TPRG1: variants seen among roughly 807,000 people sequenced by gnomAD.
TPRG1 encodes the protein tumor protein p63 regulated 1, also known as tumor protein p63-regulated gene 1 protein.
A neutral mutation model predicts 29.3 loss-of-function variants in TPRG1; 29 were observed. The observed-to-expected ratio is 0.99, with a 90% CI of 0.74 to 1.35. The LOEUF (loss-of-function observed/expected upper bound fraction) is 1.35, where lower values mean the gene tolerates loss of function less well. Ranked by LOEUF, TPRG1 falls within the 40% of genes most tolerant of loss-of-function variation. The probability of loss-of-function intolerance (pLI) is 0.00; values close to 1 mark genes in which losing one functional copy is unlikely to be tolerated. For synonymous variants in TPRG1, 130 were observed against 116.8 expected (o/e 1.11, Z -0.73); for missense variants, 327 against 335.0 (o/e 0.98, Z 0.19).
chr3:189,140,433 T>TC (rs1329739163), intron 3 of TPRG1, among the ~76,000 whole-genome samples: 1 of 152,116 alleles, frequency 6.6e-6, no homozygotes, highest in African/African-American at 2.4e-5. Flanking sequence ...GGGGATTAAA[T>TC]CCCTACACAC....
chr3:189,269,189 A>G (rs544882028), intron 4 of TPRG1, among the ~76,000 whole-genome samples: 1 of 152,248 alleles, frequency 6.6e-6, no homozygotes, highest in South Asian at 2.1e-4. Context: ...AGAAAAGACT[A>G]TCACTAACTT....
intron 4 of TPRG1, among the ~76,000 whole-genome samples, chr3:189,260,539 G>A (rs1360379833): frequency 6.6e-6 from 1 of 152,168 alleles, no homozygotes; most frequent in Admixed American, 6.5e-5. Context: ...CTCTAAAGAG[G>A]TTTTCTGCTG....
intron 3 of TPRG1, among the ~76,000 whole-genome samples, chr3:189,219,059 T>C (rs1457744732): frequency 1.3e-5 from 2 of 152,208 alleles, no homozygotes; most frequent in Non-Finnish European, 2.9e-5. Flanking sequence ...CAACCTTTCA[T>C]CTAAAATTGT....
chr3:189,299,570 G>A (rs910326050), intron 4 of TPRG1, among the ~76,000 whole-genome samples: 5 of 151,054 alleles, frequency 3.3e-5, no homozygotes, highest in African/African-American at 4.9e-5. Context: ...AAAACAGCTG[G>A]AGTCAGATCA....
intron 1 of TPRG1, chr3:189,207,114 C>T (rs1560551740): frequency 1.1e-6 from 1 of 941,256 alleles, no homozygotes; most frequent in Non-Finnish European, 1.3e-6. Flanking sequence ...GTTCAGGTTC[C>T]TGTCTCCTGG....
chr3:189,305,306 G>T (rs1019065225), intron 4 of TPRG1, among the ~76,000 whole-genome samples: 2 of 152,186 alleles, frequency 1.3e-5, no homozygotes, highest in African/African-American at 4.8e-5. Flanking sequence ...GGACTGACTG[G>T]CATATTTTCT....
At chr3:189,078,091 C>CTTTCTTTCTT (rs1405506196) in intron 4 of TPRG1, among the ~76,000 whole-genome samples, 4 of 85,200 alleles carry the variant, frequency 4.7e-5, no homozygotes, top group Admixed American at 1.4e-4. Flanking sequence ...CTCTCTTTCT[C>CTTTCTTTCTT]TCTTTCTTTC....
intron 2 of TPRG1, among the ~76,000 whole-genome samples, chr3:189,129,017 A>G (rs1161898708): frequency 1.3e-5 from 2 of 152,236 alleles, no homozygotes; most frequent in Non-Finnish European, 2.9e-5. Flanking sequence ...AGCAGCAGCA[A>G]CTTCTCCTAA....
chr3:189,314,375 G>A (rs1723158354), intron 5 of TPRG1, among the ~76,000 whole-genome samples: 1 of 152,072 alleles, frequency 6.6e-6, no homozygotes, highest in African/African-American at 2.4e-5. Context: ...CAAAGAAAGA[G>A]CATTAATGGA....
chr3:189,241,362 T>A (rs1740556128), intron 4 of TPRG1, among the ~76,000 whole-genome samples: 1 of 152,206 alleles, frequency 6.6e-6, no homozygotes, highest in East Asian at 1.9e-4. Context: ...TGTGTTTTTA[T>A]CCTTGGGTTA....
chr3:189,251,411 C>T (rs534376280), intron 4 of TPRG1, among the ~76,000 whole-genome samples: 38 of 152,130 alleles, frequency 2.5e-4, no homozygotes, highest in African/African-American at 4.6e-4. Flanking sequence ...GGGTGTTTCT[C>T]GTTAGGTGGA....
At chr3:189,180,887 C>A (rs562696422) in intron 1 of TPRG1, among the ~76,000 whole-genome samples, 1 of 152,202 alleles carries the variant, frequency 6.6e-6, no homozygotes, top group African/African-American at 2.4e-5. Flanking sequence ...AGAGCCTCAC[C>A]CCTGCAGCAG....
chr3:189,239,350 A>G (rs1740127663), intron 4 of TPRG1, among the ~76,000 whole-genome samples: 1 of 152,178 alleles, frequency 6.6e-6, no homozygotes, highest in African/African-American at 2.4e-5. Flanking sequence ...ACTGGACCCC[A>G]TGGTTCAATT....
intron 1 of TPRG1, among the ~76,000 whole-genome samples, chr3:189,203,302 G>A (rs1733787505): frequency 6.6e-6 from 1 of 151,324 alleles, no homozygotes; most frequent in Non-Finnish European, 1.5e-5. Context: ...CTAATCAAAG[G>A]CAAGGTAGTA....
rs149574818 is a variant in TPRG1, at chr3:189,028,394, A to G, written c.-463+4448A>G. On this transcript the variant is annotated intron_variant, in intron 4 of 10. Coordinates refer to the TPRG1 transcript ENST00000433971. ...GAAGATGACCAATAGTGTCACAACTATTTCTTCTATGGGGGACAGGGTCAC... is the reference window on the plus strand; with the variant it reads ...GAAGATGACCAATAGTGTCACAACTGTTTCTTCTATGGGGGACAGGGTCAC... 2.8e-3 allele frequency among the ~76,000 whole-genome samples: 430 copies of G among 152,260 alleles called. 2 individuals carry two copies. Among genetic ancestry groups the G allele is most frequent in the African/African-American group, 9.1e-3 (379 of 41,552 alleles).
chr3:189,087,890 T>C (rs1718064024), intron 4 of TPRG1, among the ~76,000 whole-genome samples: 1 of 152,218 alleles, frequency 6.6e-6, no homozygotes, highest in Non-Finnish European at 1.5e-5. Flanking sequence ...ATTGGTACCA[T>C]GCTGTTTTGG....
At chr3:189,032,586 T>A (rs1713986872) in intron 4 of TPRG1, among the ~76,000 whole-genome samples, 1 of 147,116 alleles carries the variant, frequency 6.8e-6, no homozygotes, top group African/African-American at 2.6e-5. Flanking sequence ...TAATCTCTCC[T>A]TTTTTTTTCT....
intron 4 of TPRG1, among the ~76,000 whole-genome samples, chr3:189,258,474 TG>T (rs1712327791): frequency 6.6e-6 from 1 of 152,072 alleles, no homozygotes; most frequent in African/African-American, 2.4e-5. Flanking sequence ...TCAGGAGGCA[TG>T]GGGGTCAGGG....
chr3:189,153,110 A>G (rs1171769562), intron 5 of TPRG1, among the ~76,000 whole-genome samples: 1 of 152,222 alleles, frequency 6.6e-6, no homozygotes, highest in South Asian at 2.1e-4. Context: ...GTACAACGTA[A>G]GTGGAGTTGG....
Sources: gnomAD v4.1 joint callset for allele counts (sites outside exome capture counted in the v4.1 genomes callset) on GRCh38, gnomAD v4.1.1 for gene constraint, MANE v1.5 for transcripts, NCBI Gene and HGNC (gene_info 2026-07-23, HGNC 2026-07-21) for gene names.